Variants in GFRA2 observed in about 807,000 individuals in gnomAD.
GFRA2 encodes the protein GDNF family receptor alpha 2, also known as GDNF family receptor alpha-2.
In GFRA2, 17 loss-of-function variants were observed where a neutral mutation model predicts 48.3. That is an observed-to-expected ratio of 0.35 (90% CI 0.24 to 0.53). GFRA2 has a LOEUF of 0.53. Ranked by LOEUF, GFRA2 falls within the 20% of genes least tolerant of loss-of-function variation. The pLI is 0.93. For missense variants in GFRA2, 660 were observed against 637.3 expected, an observed-to-expected ratio of 1.04 and a Z score of -0.38; for synonymous variants, 305 against 257.2, an observed-to-expected ratio of 1.19 and a Z score of -1.78.
intron 2 of GFRA2, among the ~76,000 whole-genome samples, chr8:21,782,264 A>T (rs202095833): frequency 0.048 from 7,091 of 147,646 alleles, 339 homozygotes; most frequent in East Asian, 0.18. Context: ...TCTTGCTCCT[A>T]CCCAACCCCT....
intron 4 of GFRA2, among the ~76,000 whole-genome samples, chr8:21,713,567 C>G (rs1445094877): frequency 6.6e-6 from 1 of 151,838 alleles, no homozygotes; most frequent in Non-Finnish European, 1.5e-5. Context: ...GTGCAAAGAT[C>G]AAGCCACACA....
intron 3 of GFRA2, chr8:21,769,109 GAGTATCTACCTGT>G: frequency 1.1e-6 from 1 of 913,026 alleles, no homozygotes; most frequent in Non-Finnish European, 1.3e-6. Context: ...GTGCCTAAAT[GAGTATCTACCTGT>G]TGCACCACAC....
intron 4 of GFRA2, among the ~76,000 whole-genome samples, chr8:21,723,050 C>A (rs953989571): frequency 1.3e-5 from 2 of 152,196 alleles, no homozygotes; most frequent in African/African-American, 4.8e-5. Context: ...AAAACCTCTG[C>A]TGTAAAGAAA....
At chr8:21,696,941 A>AG (rs1802209278) in intron 7 of GFRA2, among the ~76,000 whole-genome samples, 1 of 114,430 alleles carries the variant, frequency 8.7e-6, no homozygotes, top group Admixed American at 8.9e-5. Context: ...GGGACAGAGG[A>AG]AGGGGGAGGG....
intron 4 of GFRA2, among the ~76,000 whole-genome samples, chr8:21,716,168 G>A (rs894512924): frequency 7.2e-5 from 11 of 151,954 alleles, no homozygotes; most frequent in African/African-American, 1.9e-4. Flanking sequence ...ACTGAAAATC[G>A]AAAAATTAGC....
At chr8:21,728,866 G>A (rs1316552431) in intron 4 of GFRA2, among the ~76,000 whole-genome samples, 1 of 152,202 alleles carries the variant, frequency 6.6e-6, no homozygotes, top group Non-Finnish European at 1.5e-5. Flanking sequence ...TGACACCGTG[G>A]CTAACACACA....
intron 4 of GFRA2, among the ~76,000 whole-genome samples, chr8:21,723,054 A>G (rs1369481166): frequency 6.6e-6 from 1 of 152,226 alleles, no homozygotes; most frequent in African/African-American, 2.4e-5. Flanking sequence ...CCTCTGCTGT[A>G]AAGAAATTGA....
intron 4 of GFRA2, among the ~76,000 whole-genome samples, chr8:21,739,185 C>G (rs2117539592): frequency 6.6e-6 from 1 of 152,308 alleles, no homozygotes; most frequent in South Asian, 2.1e-4. Flanking sequence ...CCCTCTCCCT[C>G]TATATGAAGA....
At chr8:21,766,976 C>T (rs568411408) in intron 3 of GFRA2, among the ~76,000 whole-genome samples, 14 of 146,916 alleles carry the variant, frequency 9.5e-5, no homozygotes, top group African/African-American at 3.6e-4. Context: ...TTACCTCATA[C>T]ACTTACTACA....
chr8:21,708,694 G>C (rs1802870579), intron 4 of GFRA2, among the ~76,000 whole-genome samples: 1 of 152,180 alleles, frequency 6.6e-6, no homozygotes, highest in African/African-American at 2.4e-5. Context: ...AACGCCATGA[G>C]ACAGCAGAGG....
chr8:21,757,506 C>CTTTTTTTTTTTTTTTTTTTTTT (rs5889999), intron 3 of GFRA2, among the ~76,000 whole-genome samples: 11 of 145,720 alleles, frequency 7.5e-5, no homozygotes, highest in Non-Finnish European at 1.2e-4. Context: ...TTCCTTAATC[C>CTTTTTTTTTTTTTTTTTTTTTT]TTTTTTTTGA....
intron 3 of GFRA2, among the ~76,000 whole-genome samples, chr8:21,762,273 C>A (rs976126899): frequency 6.6e-6 from 1 of 152,082 alleles, no homozygotes; most frequent in Non-Finnish European, 1.5e-5. Context: ...TCAGTGTCCC[C>A]GTCCCCAGGA....
upstream of GFRA2, chr8:21,788,900 C>T (rs1807423409): frequency 1.1e-5 from 7 of 615,156 alleles, no homozygotes; most frequent in African/African-American, 2.0e-5. Context: ...CTCCCTCCCC[C>T]TTCTCCCACT....
intron 1 of GFRA2, among the ~76,000 whole-genome samples, chr8:21,807,785 G>A (rs1465529141): frequency 1.3e-5 from 2 of 152,196 alleles, no homozygotes; most frequent in Non-Finnish European, 2.9e-5. Context: ...GGGAGTGAAA[G>A]CCACATACCG....
At chr8:21,781,846 G>A (rs1807006258) in intron 2 of GFRA2, among the ~76,000 whole-genome samples, 1 of 152,180 alleles carries the variant, frequency 6.6e-6, no homozygotes, top group South Asian at 2.1e-4. Flanking sequence ...GGAGGGGGAG[G>A]GGATGTGAAG....
At chr8:21,708,934 A>C (rs781609061) in intron 4 of GFRA2, among the ~76,000 whole-genome samples, 3 of 152,220 alleles carry the variant, frequency 2.0e-5, no homozygotes. Context: ...GCCCCAGGAA[A>C]TGAATGCAGC....
At chr8:21,702,716 A>C in intron 7 of GFRA2, 89 bp downstream of exon 7, 1 of 1,295,490 alleles carries the variant, frequency 7.7e-7, no homozygotes, top group Non-Finnish European at 1.0e-6. Flanking sequence ...CAAAGGGAGG[A>C]CCCTCCCTCC....
intron 4 of GFRA2, among the ~76,000 whole-genome samples, chr8:21,746,748 G>A (rs1280080109): frequency 6.6e-6 from 1 of 151,142 alleles, no homozygotes; most frequent in East Asian, 1.9e-4. Context: ...TGTGTGAAGT[G>A]TATCACTTGA....
At chr8:21,737,975 C>T (rs1448459085) in intron 4 of GFRA2, among the ~76,000 whole-genome samples, 1 of 152,120 alleles carries the variant, frequency 6.6e-6, no homozygotes, top group African/African-American at 2.4e-5. Flanking sequence ...TGCATTATTT[C>T]CCTTAATCCC....
Sources: allele counts gnomAD v4.1 joint callset (sites outside exome capture counted in the v4.1 genomes callset), GRCh38; gene constraint gnomAD v4.1.1; transcripts MANE v1.5; gene names NCBI Gene and HGNC (gene_info 2026-07-23, HGNC 2026-07-21).